UMOD: variants seen among roughly 807,000 people sequenced by gnomAD.
UMOD encodes uromodulin, also known as Tamm-Horsfall urinary glycoprotein.
A neutral mutation model predicts 66.0 loss-of-function variants in UMOD; 64 were observed. That is an observed-to-expected ratio of 0.97 (90% CI 0.79 to 1.19). UMOD has a LOEUF of 1.19. Ranked by LOEUF, UMOD falls within the 50% of genes most tolerant of loss-of-function variation. The pLI is 0.00. For synonymous variants in UMOD, 398 were observed against 352.7 expected (o/e 1.13, Z -1.44); for missense variants, 764 against 850.9 (o/e 0.90, Z 1.27).
rs1317233052 is a variant in UMOD at position 20,346,284 on chromosome 16, C to T, written c.1024G>A (p.Val342Met). The T allele has an allele frequency of 3.7e-6, 6 of 1,614,154 alleles. No homozygotes were observed. The highest frequency in any genetic ancestry group is 1.1e-5 in the South Asian group (1 of 91,094). Reference protein sequence around the residue: ...RLECGANDMKVSLGKCQLKSL... With the variant: ...RLECGANDMKMSLGKCQLKSL... The stretch of plus-strand genomic sequence containing the variant: ...TTCAGCTGGCACTTGCCCAGCGACA[C>T]CTTCATGTCATTGGCCCCACATTCC... Residue 342 changes from valine (V) to methionine (M), a missense_variant, in exon 5 of 11, where the codon GTG becomes ATG. By Grantham distance (21) the Val-to-Met change is conservative. Transcript: ENST00000396138.
At chr16:20,336,204 A>G (rs1964857849) in intron 9 of UMOD, among the ~76,000 whole-genome samples, 1 of 152,134 alleles carries the variant, frequency 6.6e-6, no homozygotes, top group African/African-American at 2.4e-5. Flanking sequence ...GATCACCCAG[A>G]TCCTACACAT....
At position 20,341,225 on chromosome 16, in the gene UMOD, A is replaced by G. The variant is rs138117683; in HGVS notation, c.1443T>C (p.Thr481=). Residue 481 remains threonine (T), a synonymous_variant, in exon 7 of 11, where the codon ACT becomes ACC. Coordinates refer to ENST00000396138, the MANE Select transcript of UMOD (RefSeq NM_003361.4). ...TGGTGCCCACGTAGAGAAAAGCCTC[A>G]GTGGACAGTGTCACGGAGGAGCCTT... ...PYQGSSVTLS[T]EAFLYVGTML... is the part of the protein sequence containing the mutation. The G allele has an allele frequency of 1.9e-6, 3 of 1,614,004 alleles. No individual in the cohort carries two copies. The highest frequency in any genetic ancestry group is 2.5e-6 in the Non-Finnish European group (3 of 1,180,034).
At chr16:20,334,934 G>A (rs55808501) in intron 10 of UMOD, among the ~76,000 whole-genome samples, 3,493 of 151,454 alleles carry the variant, frequency 0.023, 117 homozygotes, top group South Asian at 0.11. Flanking sequence ...CGTGGTTCAA[G>A]CCATTCTCCT....
rs907193099 is a variant in UMOD, at chr16:20,351,688, G to A, written c.-102-849C>T. Among the ~76,000 whole-genome samples, 218 of 152,236 alleles carry A rather than the reference G, an allele frequency of 1.4e-3. 2 individuals are homozygous for A. Among genetic ancestry groups the A allele is most frequent in the Non-Finnish European group, 5.9e-4 (40 of 68,022 alleles). On this transcript the variant is annotated intron_variant, in intron 1 of 10. Transcript: ENST00000396138. ...CAAAGGCATTGGGTCCTAGAGCAACGTTTTCCAGATCTTCGTGACCATGAT... is the reference window on the plus strand; with the variant it reads ...CAAAGGCATTGGGTCCTAGAGCAACATTTTCCAGATCTTCGTGACCATGAT...
In UMOD at chr16:20,336,646, C is replaced by A; in HGVS notation, c.1822G>T (p.Gly608Cys). The A allele has an allele frequency of 1.2e-6, 2 of 1,613,974 alleles. No individual in the cohort carries two copies. Among genetic ancestry groups the A allele is most frequent in the East Asian group, 2.2e-5 (1 of 44,872 alleles). ...GTTGAGGAGCGAGTGGCTCTCTTAC[C>A]TTTCCGTGTGATGGGACCCAAGTTC... The part of the protein sequence containing the change: ...VLNLGPITRK[G>C]VQATVSRAFS... Residue 608 changes from glycine (G) to cysteine (C), a missense_variant and splice_region_variant, in exon 9 of 11, where the codon GGT becomes TGT. Transcript: ENST00000396138.
At chr16:20,352,481 CA>C in intron 1 of UMOD, 1 of 397,854 alleles carries the variant, frequency 2.5e-6, no homozygotes, top group Non-Finnish European at 4.4e-6. Flanking sequence ...TGGAATAAGT[CA>C]AAAAATAGTA....
At chr16:20,337,624 C>T (rs1964959707) in intron 7 of UMOD, among the ~76,000 whole-genome samples, 171 bp from the exon 8 acceptor site, 1 of 152,130 alleles carries the variant, frequency 6.6e-6, no homozygotes, top group Admixed American at 6.5e-5. Context: ...GATCGCAGCC[C>T]ATGTGATAAG....
chr16:20,355,923 T>C (rs922513419), upstream of UMOD, among the ~76,000 whole-genome samples: 2 of 152,180 alleles, frequency 1.3e-5, no homozygotes, highest in Non-Finnish European at 2.9e-5. Flanking sequence ...TAGCGAGTGT[T>C]AAATCCAGAC....
intron 7 of UMOD, 84 bp from the exon 8 acceptor site, chr16:20,337,537 C>A: frequency 6.4e-7 from 1 of 1,560,980 alleles, no homozygotes; most frequent in Non-Finnish European, 8.8e-7. Flanking sequence ...ATTGCTCTGT[C>A]ACCTTTCAGC....
At chr16:20,347,804 T>G (rs1039740091) in intron 4 of UMOD, among the ~76,000 whole-genome samples, 13 of 152,230 alleles carry the variant, frequency 8.5e-5, no homozygotes, top group African/African-American at 2.7e-4. Flanking sequence ...GGCTTGTGCC[T>G]GGCCCGGAGT....
At chr16:20,350,227 C>T (rs1221411053) in intron 2 of UMOD, among the ~76,000 whole-genome samples, 1 of 152,116 alleles carries the variant, frequency 6.6e-6, no homozygotes, top group East Asian at 1.9e-4. Context: ...AATGGAATGA[C>T]CTCTTAAAGT....
chr16:20,337,265 G>A, intron 8 of UMOD, 26 bp downstream of exon 8: 1 of 1,613,838 alleles, frequency 6.2e-7, no homozygotes, highest in Non-Finnish European at 8.5e-7. Flanking sequence ...TACAAGAGAT[G>A]GGCTGGGGGA....
chr16:20,346,084 C>A, intron 5 of UMOD, 42 bp downstream of exon 5: 1 of 1,583,844 alleles, frequency 6.3e-7, no homozygotes, highest in South Asian at 1.1e-5. Context: ...AAGCTTGAAC[C>A]AGGCAGTGCT....
intron 4 of UMOD, among the ~76,000 whole-genome samples, chr16:20,346,583 CGGTTTTGGGG>C (rs1965598808): frequency 6.6e-6 from 1 of 152,080 alleles, no homozygotes; most frequent in Non-Finnish European, 1.5e-5. Context: ...AAATGCAGGA[CGGTTTTGGGG>C]GGTTTTGATG....
chr16:20,349,712 G>A (rs1176816495), intron 2 of UMOD: 2 of 1,509,228 alleles, frequency 1.3e-6, no homozygotes, highest in African/African-American at 2.8e-5. Flanking sequence ...CTATACTTTG[G>A]TAGGATTTAC....
upstream of UMOD, among the ~76,000 whole-genome samples, chr16:20,355,053 T>C (rs1392816650): frequency 1.3e-5 from 2 of 152,160 alleles, no homozygotes; most frequent in African/African-American, 4.8e-5. Flanking sequence ...CTCCCATTCC[T>C]TCCTGCAGAA....
In UMOD at chr16:20,346,316, T is replaced by A. The variant is rs768586290; in HGVS notation, c.992A>T (p.His331Leu). The A allele has an allele frequency of 3.7e-6, 6 of 1,614,242 alleles. No individual in the cohort carries two copies. In the Admixed American group the frequency reaches 1.0e-4, roughly 27 times the overall value. The change falls in exon 5 of 11, where the codon CAC becomes CTC. Residue 331 changes from histidine to leucine, a missense_variant. His to Leu is a moderately conservative substitution (Grantham distance 99, BLOSUM62 -3). Transcript: ENST00000396138. ...GTCATTGGCCCCACATTCCAGCCTG[T>A]GCTCCAGGAGGGAGATATCTGAAAC... is the stretch of plus-strand genomic sequence containing the variant. ...FNITDISLLE[H>L]RLECGANDMK...
intron 2 of UMOD, chr16:20,349,602 A>G (rs1182101805): frequency 7.3e-7 from 1 of 1,374,964 alleles, no homozygotes; most frequent in African/African-American, 1.5e-5. Context: ...AGGCACGTGC[A>G]ATCGCGCCCA....
Position 20,350,766 on chromosome 16 carries a change from C to G in UMOD, c.-29G>C, listed in dbSNP as rs762260443. The G allele has an allele frequency of 1.9e-6, 3 of 1,614,026 alleles. No homozygotes were observed. Among genetic ancestry groups the G allele is most frequent in the Non-Finnish European group, 2.5e-6 (3 of 1,179,948 alleles). On this transcript the variant is annotated 5_prime_UTR_variant, in exon 2 of 11. Coordinates refer to ENST00000396138, the MANE Select transcript of UMOD (RefSeq NM_003361.4). The stretch of plus-strand genomic sequence containing the variant: ...TTCTGCTCTTCCCGCTACTTCAGGT[C>G]TAGATAGCACCTGCCCAAAGGAAAG...
Sources: gnomAD v4.1 joint callset for allele counts (sites outside exome capture counted in the v4.1 genomes callset) on GRCh38, gnomAD v4.1.1 for gene constraint, MANE v1.5 for transcripts, NCBI Gene and HGNC (gene_info 2026-07-23, HGNC 2026-07-21) for gene names.